The following ASB4 variants were observed in gnomAD, a reference collection of about 807,000 sequenced individuals.
The protein encoded by ASB4 is ankyrin repeat and SOCS box containing 4, also known as ankyrin repeat and SOCS box protein 4.
Under a neutral mutation model 38.6 loss-of-function variants are expected in ASB4, and 35 were observed. The ratio of observed to expected loss-of-function variants is 0.91; its 90% CI spans 0.69 to 1.20. The LOEUF (loss-of-function observed/expected upper bound fraction) is 1.20, where lower values mean the gene tolerates loss of function less well. Ranked by LOEUF, ASB4 falls within the 50% of genes most tolerant of loss-of-function variation. ASB4 has a pLI of 0.00. For synonymous variants in ASB4, 195 were observed against 201.3 expected (o/e 0.97, Z 0.26); for missense variants, 557 against 527.2 (o/e 1.06, Z -0.55).
In ASB4 at chr7:95,527,939, A is replaced by G; in HGVS notation, c.614A>G (p.Asn205Ser). The change falls in exon 3 of 5, where the codon AAT becomes AGT. Residue 205 changes from asparagine (N) to serine (S), a missense_variant. Asn to Ser is a conservative substitution (Grantham distance 46, BLOSUM62 1). Transcript: ENST00000325885. ...VEHGAIVDSV[N>S]AHMETPLAIA... is the part of the protein sequence containing the mutation. ...CACGGGGCCATAGTGGACAGCGTGAATGCCCACATGGAGACCCCCCTGGCC... is the reference window on the plus strand; with the variant it reads ...CACGGGGCCATAGTGGACAGCGTGAGTGCCCACATGGAGACCCCCCTGGCC... 4 of 1,614,176 alleles carry G rather than the reference A, an allele frequency of 2.5e-6. No individual in the cohort carries two copies. The highest frequency in any genetic ancestry group is 2.5e-6 in the Non-Finnish European group (3 of 1,180,026).
chr7:95,529,514 A>G (rs1041997664), intron 3 of ASB4, among the ~76,000 whole-genome samples: 1 of 152,224 alleles, frequency 6.6e-6, no homozygotes, highest in African/African-American at 2.4e-5. Context: ...CAGTCAGGGC[A>G]GATTCCAGAT....
chr7:95,485,917 G>C, upstream of ASB4: 1 of 1,528,472 alleles, frequency 6.5e-7, no homozygotes, highest in South Asian at 1.2e-5. Context: ...GCGCCTGTTT[G>C]CTCGGTGCTG....
intron 1 of ASB4, among the ~76,000 whole-genome samples, chr7:95,491,422 C>T (rs1237181580): frequency 1.3e-5 from 2 of 152,170 alleles, no homozygotes; most frequent in Non-Finnish European, 2.9e-5. Context: ...CCCCGGTTCT[C>T]CCTCACCTCT....
chr7:95,485,373 C>T (rs759410436), upstream of ASB4, among the ~76,000 whole-genome samples: 39 of 152,108 alleles, frequency 2.6e-4, no homozygotes, highest in Non-Finnish European at 4.6e-4. Context: ...TGCCCCGGAC[C>T]GTCTCCCCAC....
At chr7:95,510,666 T>G (rs1446346888) in intron 2 of ASB4, among the ~76,000 whole-genome samples, 2 of 152,224 alleles carry the variant, frequency 1.3e-5, no homozygotes. Context: ...GATTCCCAAG[T>G]GCTTCAGAGG....
Position 95,499,384 on chromosome 7 carries a change from A to C in ASB4, c.487+3327A>C, listed in dbSNP as rs115325713. ...TAAAGGAGAGTAAGATATACTGATA[A>C]GTAAAATTGGAGAAAACCAAGAGTA... On this transcript the variant is annotated intron_variant, in intron 2 of 4. Coordinates refer to ENST00000325885, the MANE Select transcript of ASB4 (RefSeq NM_016116.3). Among the ~76,000 whole-genome samples the C allele has an allele frequency of 5.5e-3, 840 of 152,342 alleles. 10 individuals carry two copies. Among genetic ancestry groups the C allele is most frequent in the African/African-American group, 0.019 (779 of 41,574 alleles).
At chr7:95,513,671 C>A (rs767152808) in intron 2 of ASB4, among the ~76,000 whole-genome samples, 54 of 152,144 alleles carry the variant, frequency 3.5e-4, no homozygotes, top group Non-Finnish European at 5.3e-4. Flanking sequence ...CAAGTTGTTA[C>A]ATAAAATTAA....
At chr7:95,476,469 G>A (rs1789978282), upstream of ASB4, among the ~76,000 whole-genome samples, 1 of 152,166 alleles carries the variant, frequency 6.6e-6, no homozygotes, top group South Asian at 2.1e-4. Context: ...ATCAAGAAAT[G>A]GAAGGAAGAT....
intron 2 of ASB4, among the ~76,000 whole-genome samples, chr7:95,505,627 G>T (rs1790396187): frequency 6.6e-6 from 1 of 151,702 alleles, no homozygotes; most frequent in African/African-American, 2.4e-5. Context: ...AGCTTTATGA[G>T]AATCTATTGA....
intron 2 of ASB4, among the ~76,000 whole-genome samples, chr7:95,498,133 T>C (rs1223947856): frequency 6.6e-6 from 1 of 152,178 alleles, no homozygotes; most frequent in Non-Finnish European, 1.5e-5. Context: ...CTATCAGCAA[T>C]GTATGAGAAT....
chr7:95,506,542 A>G (rs564711243), intron 2 of ASB4, among the ~76,000 whole-genome samples: 1 of 152,274 alleles, frequency 6.6e-6, no homozygotes, highest in African/African-American at 2.4e-5. Flanking sequence ...AGAATTCTAG[A>G]TTCATAAACA....
chr7:95,481,859 A>G (rs994430143), upstream of ASB4, among the ~76,000 whole-genome samples: 3 of 152,226 alleles, frequency 2.0e-5, no homozygotes, highest in Non-Finnish European at 2.9e-5. Flanking sequence ...GTAATGAAAC[A>G]GTAATAAAAA....
chr7:95,543,397 C>T (rs1562825837), downstream of ASB4: 1 of 152,096 alleles, frequency 6.6e-6, no homozygotes, highest in African/African-American at 2.4e-5. Flanking sequence ...TCTTTTCAGT[C>T]ACCCCTATTG....
chr7:95,530,105 C>CAA (rs60923712), intron 3 of ASB4, among the ~76,000 whole-genome samples: 33 of 99,696 alleles, frequency 3.3e-4, no homozygotes, highest in African/African-American at 4.2e-4. Context: ...AAAAGCAGGG[C>CAA]AAAAAAAAAA....
Position 95,538,071 on chromosome 7 carries a change from A to G in ASB4, c.*312A>G, listed in dbSNP as rs1306652470. The G allele has an allele frequency of 1.4e-5, 3 of 218,734 alleles. No homozygotes were observed. In the East Asian group the frequency reaches 2.9e-4, roughly 21 times the overall value. The allele number at this position is 218,734 out of a possible 1,614,324, so 13.5% of individuals were successfully genotyped here. On this transcript the variant is annotated 3_prime_UTR_variant, in exon 5 of 5. Transcript: ENST00000325885. Reference sequence around the variant, plus strand: ...CTTCTTATATCTTATCTCATCTGAAATGGGACCCAGGTTTTCTTCCAACCA... The same window carrying G: ...CTTCTTATATCTTATCTCATCTGAAGTGGGACCCAGGTTTTCTTCCAACCA...
At chr7:95,544,726 A>G (rs1413776434), downstream of ASB4, among the ~76,000 whole-genome samples, 2 of 151,828 alleles carry the variant, frequency 1.3e-5, no homozygotes, top group Non-Finnish European at 2.9e-5. Flanking sequence ...ATGGGGTCTC[A>G]CTCTGTTGCT....
chr7:95,497,996 A>T (rs944755704), intron 2 of ASB4, among the ~76,000 whole-genome samples: 1 of 152,214 alleles, frequency 6.6e-6, no homozygotes, highest in African/African-American at 2.4e-5. Flanking sequence ...AAACATTTGC[A>T]TACAGGTTTT....
At chr7:95,521,686 TA>T (rs35236189) in intron 2 of ASB4, among the ~76,000 whole-genome samples, 77,207 of 147,600 alleles carry the variant, frequency 0.52, 20,130 homozygotes, top group East Asian at 0.65. Flanking sequence ...CAGTTGAAAT[TA>T]AAAAAAAAAA....
rs1790890267 is a variant in ASB4 at position 95,536,444 on chromosome 7, A to C, written c.986A>C (p.Gln329Pro). 1.2e-6 allele frequency: 2 copies of C among 1,606,452 alleles called. No individual in the cohort carries two copies. The highest frequency in any genetic ancestry group is 1.7e-6 in the Non-Finnish European group (2 of 1,173,378). The change falls in exon 4 of 5, where the codon CAG becomes CCG. Residue 329 changes from glutamine (Q) to proline (P), a missense_variant. By Grantham distance (76) the Gln-to-Pro change is moderately conservative. Coordinates refer to ENST00000325885, the MANE Select transcript of ASB4 (RefSeq NM_016116.3). Reference protein sequence around the residue: ...IYPPQFHKVIQACHSCPKAIE... With the variant: ...IYPPQFHKVIPACHSCPKAIE... ...TCTGTGCTTCCTCTGCAGGTGATAC[A>C]GGCCTGCCATTCTTGTCCTAAAGCA...
Sources: allele counts gnomAD v4.1 joint callset (sites outside exome capture counted in the v4.1 genomes callset), GRCh38; gene constraint gnomAD v4.1.1; transcripts MANE v1.5; gene names NCBI Gene and HGNC (gene_info 2026-07-23, HGNC 2026-07-21).